Variants in NUP133 observed in about 807,000 individuals in gnomAD.
The protein encoded by NUP133 is nucleoporin 133.
NUP133 carries 66 observed loss-of-function variants against 146.2 expected under a neutral mutation model. The ratio of observed to expected loss-of-function variants is 0.45; its 90% CI spans 0.37 to 0.55. The LOEUF (loss-of-function observed/expected upper bound fraction) is 0.55, where lower values mean the gene tolerates loss of function less well. NUP133 is among the 20% of genes least tolerant of loss of function. The pLI is 0.00. For missense variants in NUP133, 1,277 were observed against 1,374.8 expected (o/e 0.93, Z 1.12); for synonymous variants, 521 against 498.8 (o/e 1.04, Z -0.59).
chr1:229,497,076 T>G (rs1454845961), intron 6 of NUP133, among the ~76,000 whole-genome samples: 1 of 152,232 alleles, frequency 6.6e-6, no homozygotes, highest in African/African-American at 2.4e-5. Context: ...GACTGTTTTG[T>G]GTTAAAACGC....
At chr1:229,485,417 G>A (rs1322114283) in intron 11 of NUP133, among the ~76,000 whole-genome samples, 1 of 152,184 alleles carries the variant, frequency 6.6e-6, no homozygotes, top group Non-Finnish European at 1.5e-5. Flanking sequence ...AGAACTCCTG[G>A]AGTGTGTAAA....
intron 14 of NUP133, 50 bp downstream of exon 14, chr1:229,475,588 G>C: frequency 7.4e-7 from 1 of 1,354,876 alleles, no homozygotes; most frequent in Non-Finnish European, 1.1e-6. Flanking sequence ...CCACTGTGTT[G>C]GAGAGACTGC....
rs1238518274 is a variant in NUP133 at position 229,440,704 on chromosome 1, TG to T, written c.*1199del. The T allele has an allele frequency of 6.6e-6, 1 of 152,280 alleles. No individual in the cohort carries two copies. The allele number at this position is 152,280 out of a possible 1,614,324, so 9.4% of individuals were successfully genotyped here. A position where few individuals can be genotyped will look rare whatever the true frequency, so the allele number is the denominator to read the frequency against. On this transcript the variant is annotated 3_prime_UTR_variant, in exon 26 of 26. Coordinates refer to ENST00000261396, the MANE Select transcript of NUP133 (RefSeq NM_018230.3). ...TAACTTCTCTTAGTACCTTCCAACA[TG>T]TTCCTAACCCAGACCCTAATGCTGT...
chr1:229,493,670 T>A (rs1443527250), intron 8 of NUP133, among the ~76,000 whole-genome samples: 1 of 152,006 alleles, frequency 6.6e-6, no homozygotes, highest in Non-Finnish European at 1.5e-5. Flanking sequence ...TAATTTTGAG[T>A]AAAGGTGGAG....
intron 12 of NUP133, among the ~76,000 whole-genome samples, chr1:229,479,018 C>G (rs1182484909): frequency 6.6e-6 from 1 of 152,126 alleles, no homozygotes; most frequent in Admixed American, 6.6e-5. Context: ...GTTTCACTTC[C>G]CACAGTCACA....
chr1:229,443,232 G>T (rs1056464736), intron 25 of NUP133, among the ~76,000 whole-genome samples: 1 of 150,956 alleles, frequency 6.6e-6, no homozygotes, highest in Non-Finnish European at 1.5e-5. Context: ...AGAGGTGGGG[G>T]TCTTGCTATG....
chr1:229,490,599 T>C (rs991817205), intron 8 of NUP133, among the ~76,000 whole-genome samples: 20 of 152,012 alleles, frequency 1.3e-4, no homozygotes, highest in Middle Eastern at 3.4e-3. Flanking sequence ...ACAAGGGAAT[T>C]TGGGGGGTTA....
chr1:229,493,697 A>G (rs1338703992), intron 8 of NUP133, among the ~76,000 whole-genome samples: 4 of 152,250 alleles, frequency 2.6e-5, no homozygotes, highest in African/African-American at 9.6e-5. Context: ...GTCAAGGAGG[A>G]TAAGGGCTGC....
In NUP133 at chr1:229,455,493, C is replaced by T. The variant is rs558729009; in HGVS notation, c.2980+2668G>A. 1.1e-4 allele frequency among the ~76,000 whole-genome samples: 16 copies of T among 152,220 alleles called. No individual in the cohort carries two copies. In the South Asian group the frequency reaches 1.7e-3, roughly 16 times the overall value. On this transcript the variant is annotated intron_variant, in intron 21 of 25. Transcript: ENST00000261396. ...AGAGCATCACCTGAGTCTAGGAGTCCGAGGCTGCAGTGAGCCATGATTGTG... is the reference window on the plus strand; with the variant it reads ...AGAGCATCACCTGAGTCTAGGAGTCTGAGGCTGCAGTGAGCCATGATTGTG...
intron 25 of NUP133, among the ~76,000 whole-genome samples, chr1:229,443,059 A>G (rs1467939483): frequency 2.0e-5 from 3 of 151,494 alleles, no homozygotes; most frequent in African/African-American, 7.3e-5. Context: ...CAGGGTCTCC[A>G]CTCTGTCACC....
Position 229,498,252 on chromosome 1 carries a change from C to G in NUP133, c.703G>C (p.Glu235Gln). The G allele has an allele frequency of 1.2e-6, 2 of 1,608,148 alleles. No individual in the cohort carries two copies. Among genetic ancestry groups the G allele is most frequent in the Non-Finnish European group, 1.7e-6 (2 of 1,178,432 alleles). Residue 235 changes from glutamate (E) to glutamine (Q), a missense_variant, in exon 6 of 26, where the codon GAG (glutamate) becomes CAG (glutamine). Coordinates refer to ENST00000261396, the MANE Select transcript of NUP133 (RefSeq NM_018230.3). ...TGCTGATGAATCTTTCCTGAGCTCT[C>G]AGGTATCAACCGAATTAGTTGGCTT... is the stretch of plus-strand genomic sequence containing the variant. ...SGSQLIRLIP[E>Q]SSGKIHQHIL...
chr1:229,506,269 G>T, intron 1 of NUP133, 111 bp from the exon 2 acceptor site: 2 of 554,450 alleles, frequency 3.6e-6, no homozygotes, highest in Non-Finnish European at 6.5e-6. Context: ...AATTAACACT[G>T]GCTCATATTT....
intron 21 of NUP133, among the ~76,000 whole-genome samples, chr1:229,454,474 G>T (rs535698568): frequency 6.6e-6 from 1 of 152,148 alleles, no homozygotes; most frequent in Non-Finnish European, 1.5e-5. Context: ...CAGTACCAGT[G>T]GCTATCTCCG....
chr1:229,444,612 G>A (rs1361857853), intron 25 of NUP133, among the ~76,000 whole-genome samples: 1 of 151,544 alleles, frequency 6.6e-6, no homozygotes, highest in Non-Finnish European at 1.5e-5. Context: ...TTAGACAGAG[G>A]CCAAGGCAGG....
chr1:229,471,373 T>C (rs1292885519), intron 14 of NUP133, among the ~76,000 whole-genome samples: 1 of 152,162 alleles, frequency 6.6e-6, no homozygotes, highest in East Asian at 1.9e-4. Flanking sequence ...TGACTCGGCC[T>C]CTCAAAGCAC....
At chr1:229,491,965 C>G (rs1469826287) in intron 8 of NUP133, among the ~76,000 whole-genome samples, 1 of 152,142 alleles carries the variant, frequency 6.6e-6, no homozygotes, top group Non-Finnish European at 1.5e-5. Context: ...ATAGAAATTT[C>G]AAACTGCTAT....
At chr1:229,502,468 A>G (rs1490275021) in intron 2 of NUP133, among the ~76,000 whole-genome samples, 1 of 148,846 alleles carries the variant, frequency 6.7e-6, no homozygotes, top group Non-Finnish European at 1.5e-5. Flanking sequence ...CTGAGGCAAG[A>G]GAATCGCTTG....
Position 229,487,589 on chromosome 1 carries a change from A to T in NUP133, c.1219T>A (p.Leu407Met). 2 of 1,612,040 alleles carry T rather than the reference A, an allele frequency of 1.2e-6. No homozygotes were observed. The highest frequency in any genetic ancestry group is 1.7e-5 in the Admixed American group (1 of 59,342). The change falls in exon 10 of 26, where the codon TTG becomes ATG. Residue 407 changes from leucine to methionine, a missense_variant. Leu to Met is a conservative substitution (Grantham distance 15, BLOSUM62 2). Around this residue, in one of 3 missense-constraint regions of NUP133, gnomAD observed 952 missense variants for 1,047.0 expected, o/e 0.91. Transcript: ENST00000261396. ...FQSEDLILCQLTVPNFSNQTA... is the reference protein window; with the variant it reads ...FQSEDLILCQMTVPNFSNQTA... ...TGGTTTGAAAAGTTTGGGACCGTCAACTGACACAAAATCAGGTCTTCAGAC... is the reference window on the plus strand; with the variant it reads ...TGGTTTGAAAAGTTTGGGACCGTCATCTGACACAAAATCAGGTCTTCAGAC...
At chr1:229,484,684 T>C (rs1661303990) in intron 11 of NUP133, among the ~76,000 whole-genome samples, 1 of 152,198 alleles carries the variant, frequency 6.6e-6, no homozygotes, top group African/African-American at 2.4e-5. Flanking sequence ...AGCATAATGG[T>C]TGATTACAAA....
Sources: gnomAD v4.1 joint callset for allele counts (sites outside exome capture counted in the v4.1 genomes callset) on GRCh38, gnomAD v4.1.1 for gene constraint, gnomAD v4.1.1 regional missense constraint, MANE v1.5 for transcripts, NCBI Gene and HGNC (gene_info 2026-07-23, HGNC 2026-07-21) for gene names.